Variants in ZDHHC13 observed in about 807,000 individuals in gnomAD.
ZDHHC13 encodes zDHHC palmitoyltransferase 13, also known as palmitoyltransferase ZDHHC13.
Under a neutral mutation model 86.0 loss-of-function variants are expected in ZDHHC13, and 85 were observed. That is an observed-to-expected ratio of 0.99 (90% confidence interval 0.83 to 1.18). The LOEUF (loss-of-function observed/expected upper bound fraction) is 1.18. ZDHHC13 is among the 50% of genes most tolerant of loss of function. The probability of loss-of-function intolerance (pLI) is 0.00; values close to 1 mark genes in which losing one functional copy is unlikely to be tolerated. For synonymous variants in ZDHHC13, 263 were observed against 246.4 expected, an observed-to-expected ratio of 1.07 and a Z score of -0.63; for missense variants, 711 against 730.2, an observed-to-expected ratio of 0.97 and a Z score of 0.30.
chr11:19,164,402 A>AACGTTACC, intron 12 of ZDHHC13, 39 bp downstream of exon 12: 1 of 1,586,870 alleles, frequency 6.3e-7, no homozygotes, highest in Non-Finnish European at 8.6e-7. Flanking sequence ...TAGTGAAAGC[A>AACGTTACC]AAGTCTTGGT....
intron 1 of ZDHHC13, among the ~76,000 whole-genome samples, chr11:19,127,864 C>T (rs573959768): frequency 9.9e-5 from 15 of 151,994 alleles, no homozygotes; most frequent in Non-Finnish European, 1.5e-4. Flanking sequence ...GCTATAGTAT[C>T]GTTTGAAGTC....
intron 10 of ZDHHC13, among the ~76,000 whole-genome samples, chr11:19,161,023 G>C (rs11606142): frequency 0.051 from 7,729 of 152,004 alleles, 241 homozygotes; most frequent in East Asian, 0.059. Context: ...CCTGCTACTT[G>C]TGAGGGCATA....
At chr11:19,149,802 A>T (rs1256055076) in intron 5 of ZDHHC13, among the ~76,000 whole-genome samples, 1 of 152,250 alleles carries the variant, frequency 6.6e-6, no homozygotes, top group Non-Finnish European at 1.5e-5. Flanking sequence ...AGGTTAAATT[A>T]TAGGTTATTG....
rs180851263 is a variant in ZDHHC13 at position 19,157,510 on chromosome 11, G to A, written c.1008-1430G>A. Among the ~76,000 whole-genome samples, 973 of 152,308 alleles carry A rather than the reference G, an allele frequency of 6.4e-3. 9 individuals are homozygous for A. The highest frequency in any genetic ancestry group is 0.022 in the African/African-American group (913 of 41,572). On this transcript the variant is annotated intron_variant, in intron 9 of 16. Coordinates refer to ENST00000446113, the MANE Select transcript of ZDHHC13 (RefSeq NM_019028.3). Reference sequence around the variant, plus strand: ...GCTGGAAATGAATTAGAATTTAAATGTAATGTGAAAACTCAAATTTCTGAA... The same window carrying A: ...GCTGGAAATGAATTAGAATTTAAATATAATGTGAAAACTCAAATTTCTGAA...
chr11:19,165,008 G>T, intron 12 of ZDHHC13, 44 bp from the exon 13 acceptor site: 1 of 1,557,908 alleles, frequency 6.4e-7, no homozygotes. Context: ...TTACCACTTT[G>T]AGACACTGGT....
intron 16 of ZDHHC13, among the ~76,000 whole-genome samples, chr11:19,173,918 C>T (rs768498260): frequency 6.6e-6 from 1 of 152,136 alleles, no homozygotes; most frequent in Non-Finnish European, 1.5e-5. Flanking sequence ...CACTAGAGCA[C>T]GTTTGCTGAA....
At chr11:19,124,114 C>G (rs1383302101) in intron 1 of ZDHHC13, among the ~76,000 whole-genome samples, 1 of 151,966 alleles carries the variant, frequency 6.6e-6, no homozygotes, top group Non-Finnish European at 1.5e-5. Context: ...ACCTGTGTCT[C>G]TAACCAAAGG....
At chr11:19,170,689 G>A (rs1850198733) in intron 15 of ZDHHC13, 121 bp downstream of exon 15, 2 of 980,304 alleles carry the variant, frequency 2.0e-6, no homozygotes, top group Admixed American at 3.3e-5. Flanking sequence ...TGACTCTGTG[G>A]GTCTAGCCAT....
chr11:19,165,173 C>T, intron 13 of ZDHHC13, 28 bp downstream of exon 13: 1 of 1,588,324 alleles, frequency 6.3e-7, no homozygotes, highest in Non-Finnish European at 8.6e-7. Flanking sequence ...TCAATTACTA[C>T]TGTGAAGTTA....
intron 1 of ZDHHC13, among the ~76,000 whole-genome samples, chr11:19,133,497 T>A (rs1401377445): frequency 6.6e-6 from 1 of 152,018 alleles, no homozygotes; most frequent in Non-Finnish European, 1.5e-5. Flanking sequence ...AGTCCAAATA[T>A]CCAGCCATAG....
Position 19,117,224 on chromosome 11 carries a change from C to T in ZDHHC13, c.-26C>T, listed in dbSNP as rs1458645599. ...CGGCAGTCGCTACTTGCCTAGTAGC[C>T]TCAGCCGCTGTGGGCTCCTGGGGAG... On this transcript the variant is annotated 5_prime_UTR_variant, in exon 1 of 17. Coordinates refer to ENST00000446113, the MANE Select transcript of ZDHHC13 (RefSeq NM_019028.3). This position sits in a 1 kb window ranked among gnomAD's most constrained non-coding sequence, Gnocchi z 4.2. The T allele has an allele frequency of 2.6e-6, 4 of 1,529,038 alleles. No homozygotes were observed. The South Asian group carries it at 4.8e-5, about 18-fold the overall frequency. 94.7% of individuals were successfully genotyped at this position (1,529,038 alleles called of 1,614,324 possible). A position where few individuals can be genotyped will look rare whatever the true frequency, so the allele number is the denominator to read the frequency against.
In ZDHHC13 at chr11:19,133,942, T is replaced by TATATATATATATATATAC; in HGVS notation, c.28-9035_28-9034insTATATATATATATATACA. ...GTCCATATATATATATATATATATA[T>TATATATATATATATATAC]ACACGTATGTGTTTTATATACTTCA... On this transcript the variant is annotated intron_variant, in intron 1 of 16. Transcript: ENST00000446113. Among the ~76,000 whole-genome samples the TATATATATATATATATAC allele has an allele frequency of 2.3e-3, 224 of 96,090 alleles. 1 individual carries two copies. The highest frequency in any genetic ancestry group is 2.5e-3 in the Non-Finnish European group (111 of 43,638). 63.0% of individuals were successfully genotyped at this position (96,090 alleles called of 152,430 possible).
At chr11:19,141,010 A>G (rs571723581) in intron 1 of ZDHHC13, among the ~76,000 whole-genome samples, 23 of 151,890 alleles carry the variant, frequency 1.5e-4, no homozygotes, top group Admixed American at 3.9e-4. Context: ...GCACATGTAT[A>G]CATATGTAAC....
At chr11:19,126,300 C>CCAGT (rs1404724789) in intron 1 of ZDHHC13, among the ~76,000 whole-genome samples, 1 of 151,346 alleles carries the variant, frequency 6.6e-6, no homozygotes. Context: ...CAAGTATACC[C>CCAGT]CAGTGTCTGT....
intron 16 of ZDHHC13, 81 bp downstream of exon 16, chr11:19,172,901 G>A (rs1367426427): frequency 7.9e-7 from 1 of 1,271,664 alleles, no homozygotes; most frequent in African/African-American, 1.5e-5. Flanking sequence ...CACTACCCAT[G>A]GCCATGCTGC....
At chr11:19,118,241 T>C (rs946948241) in intron 1 of ZDHHC13, among the ~76,000 whole-genome samples, 4 of 152,228 alleles carry the variant, frequency 2.6e-5, no homozygotes, top group Non-Finnish European at 5.9e-5. Flanking sequence ...CAGTTTGGGA[T>C]GATTGGATTA....
intron 6 of ZDHHC13, among the ~76,000 whole-genome samples, chr11:19,151,703 T>C (rs529635893): frequency 5.6e-4 from 85 of 152,216 alleles, no homozygotes; most frequent in Middle Eastern, 3.4e-3. Flanking sequence ...TTCTAAGATA[T>C]ACAAATATTT....
Position 19,147,617 on chromosome 11 carries a change from T to G in ZDHHC13, c.318T>G (p.Ala106=). ...ACAGGTTTTATATTTCAAAAGGTGC[T>G]GTTGTAGATCAGTTGGGTGGAGATT... ...DLVKFYISKG[A]VVDQLGGDLN... is the part of the protein sequence containing the mutation. Residue 106 remains alanine, a synonymous_variant, in exon 4 of 17, where the codon GCT becomes GCG. Transcript: ENST00000446113. 6.2e-7 allele frequency: 1 copy of G among 1,601,094 alleles called. No homozygotes were observed. The highest frequency in any genetic ancestry group is 8.5e-7 in the Non-Finnish European group (1 of 1,172,998).
Position 19,176,139 on chromosome 11 carries a change from G to A in ZDHHC13, c.*179G>A. The A allele has an allele frequency of 2.0e-6, 1 of 490,690 alleles. No homozygotes were observed. The highest frequency in any genetic ancestry group is 3.3e-6 in the Non-Finnish European group (1 of 305,996). The allele number at this position is 490,690 out of a possible 1,614,324, so 30.4% of individuals were successfully genotyped here. A position where few individuals can be genotyped will look rare whatever the true frequency, so the allele number is the denominator to read the frequency against. On this transcript the variant is annotated 3_prime_UTR_variant, in exon 17 of 17. Transcript: ENST00000446113. ...CATTACAATTTTTTAGGTTTAGAAAGATGGACTTTTCTGATAAATCTTGGC... is the reference window on the plus strand; with the variant it reads ...CATTACAATTTTTTAGGTTTAGAAAAATGGACTTTTCTGATAAATCTTGGC...
Sources: gnomAD v4.1 joint callset for allele counts (sites outside exome capture counted in the v4.1 genomes callset) on GRCh38, gnomAD v4.1.1 for gene constraint, Gnocchi (gnomAD v3.1) non-coding constraint, MANE v1.5 for transcripts, NCBI Gene and HGNC (gene_info 2026-07-23, HGNC 2026-07-21) for gene names.